The following TCF15 variants were observed in gnomAD, a reference collection of about 807,000 sequenced individuals.
The protein encoded by TCF15 is TCF-15.
TCF15 carries 7 observed loss-of-function variants against 11.1 expected under a neutral mutation model. That is an observed-to-expected ratio of 0.63 (90% confidence interval 0.36 to 1.19). The LOEUF is 1.19. Ranked by LOEUF, TCF15 falls within the 50% of genes most tolerant of loss-of-function variation. TCF15 has a pLI of 0.02. For synonymous variants in TCF15, 144 were observed against 138.9 expected, an observed-to-expected ratio of 1.04 and a Z score of -0.26; for missense variants, 288 against 289.4, an observed-to-expected ratio of 1.00 and a Z score of 0.03.
intron 1 of TCF15, among the ~76,000 whole-genome samples, chr20:607,928 G>A (rs1325122353): frequency 2.0e-5 from 3 of 152,198 alleles, no homozygotes; most frequent in East Asian, 1.9e-4. Flanking sequence ...GCACAGATCA[G>A]TGCTCATGAA....
intron 1 of TCF15, among the ~76,000 whole-genome samples, chr20:607,717 G>A (rs925776325): frequency 6.6e-6 from 1 of 152,218 alleles, no homozygotes; most frequent in Non-Finnish European, 1.5e-5. Flanking sequence ...TGCTATGGGG[G>A]TGGACACATG....
chr20:604,659 G>A lies in TCF15; in HGVS notation c.532C>T (p.Arg178Cys), dbSNP rs952836687. The change falls in exon 2 of 2, where the codon CGT (arginine) becomes TGT (cysteine). Residue 178 changes from arginine (R) to cysteine (C), a missense_variant. Physicochemically the swap from Arg to Cys is radical, Grantham distance 180. Coordinates refer to ENST00000246080, the MANE Select transcript of TCF15 (RefSeq NM_004609.4). This position sits in a 1 kb window ranked among gnomAD's most constrained non-coding sequence, Gnocchi z 4.2. ...CLSNQRKGGG[R>C]RDLGGSCLKV... The stretch of plus-strand genomic sequence containing the variant: ...AAGCAGCTGCCCCCCAGGTCACGAC[G>A]GCCACCCTGCAGAGGGGGAGAAAGA... 5 of 1,551,940 alleles carry A rather than the reference G, an allele frequency of 3.2e-6. No homozygotes were observed. The highest frequency in any genetic ancestry group is 1.2e-5 in the South Asian group (1 of 84,020).
At position 604,635 on chromosome 20, in the gene TCF15, AGCAGCT is replaced by A; in HGVS notation, c.550_555del (p.Ser184_Cys185del). 1 of 1,554,396 alleles carries A rather than the reference AGCAGCT, an allele frequency of 6.4e-7. No homozygotes were observed. The highest frequency in any genetic ancestry group is 8.7e-7 in the Non-Finnish European group (1 of 1,148,398). On this transcript the variant is annotated inframe_deletion, in exon 2 of 2. Transcript: ENST00000246080. This position sits in a 1 kb window ranked among gnomAD's most constrained non-coding sequence, Gnocchi z 4.2. ...AGGGGGGCCACCCCCCTCACCTTCAAGCAGCTGCCCCCCAGGTCACGACGGCCACCC... is the reference window on the plus strand; with the variant it reads ...AGGGGGGCCACCCCCCTCACCTTCAAGCCCCCCAGGTCACGACGGCCACCC...
rs2020014674 is a variant in TCF15, at chr20:610,270, C to T, written c.-33G>A. On this transcript the variant is annotated 5_prime_UTR_variant, in exon 1 of 2. Coordinates refer to ENST00000246080, the MANE Select transcript of TCF15 (RefSeq NM_004609.4). ...GGCCGCGTCCCTCCGTGCGCCGCGT[C>T]CCAGCGTCGGCCGCGCCCCGCCGTG... 1.1e-5 allele frequency: 11 copies of T among 989,028 alleles called. No individual in the cohort carries two copies. Among genetic ancestry groups the T allele is most frequent in the Non-Finnish European group, 1.3e-5 (11 of 833,114 alleles). 61.3% of individuals were successfully genotyped at this position (989,028 alleles called of 1,614,324 possible). A position where few individuals can be genotyped will look rare whatever the true frequency, so the allele number is the denominator to read the frequency against.
chr20:605,950 T>C (rs2019970851), intron 1 of TCF15, among the ~76,000 whole-genome samples: 1 of 152,202 alleles, frequency 6.6e-6, no homozygotes, highest in African/African-American at 2.4e-5. Context: ...GAAATCCCAC[T>C]GTAAATGCTC....
intron 1 of TCF15, among the ~76,000 whole-genome samples, chr20:607,658 T>C (rs2019987715): frequency 6.6e-6 from 1 of 152,204 alleles, no homozygotes; most frequent in African/African-American, 2.4e-5. Flanking sequence ...GAGGCCCCTG[T>C]GAGCTGTGGG....
chr20:608,863 G>GGAT (rs1045212985), intron 1 of TCF15, among the ~76,000 whole-genome samples: 1 of 152,200 alleles, frequency 6.6e-6, no homozygotes, highest in Non-Finnish European at 1.5e-5. Flanking sequence ...CACGGTCGGG[G>GGAT]GATGAAGCAG....
At position 609,092 on chromosome 20, in the gene TCF15, C is replaced by T. The variant is rs1016223124; in HGVS notation, c.525+621G>A. Among the ~76,000 whole-genome samples the T allele has an allele frequency of 6.6e-6, 1 of 152,124 alleles. No individual in the cohort carries two copies. The highest frequency in any genetic ancestry group is 1.5e-5 in the Non-Finnish European group (1 of 68,024). On this transcript the variant is annotated intron_variant, in intron 1 of 1. Coordinates refer to ENST00000246080, the MANE Select transcript of TCF15 (RefSeq NM_004609.4). The surrounding 1 kb of genome is among the most constrained non-coding windows in gnomAD (Gnocchi z 4.7). ...GGGCCCCTTCTTCACTCCTACTGCT[C>T]ATCCGCTGGGTACCTCAGGCTCTCG...
rs1002138111 is a variant in TCF15 at position 610,135 on chromosome 20, C to A, written c.103G>T (p.Asp35Tyr). Reference sequence around the variant, plus strand: ...CCCTCGCAGCAGCCGAACGACTGGTCCGACGCGTCGCTCTCGCTGCGGTTC... The same window carrying A: ...CCCTCGCAGCAGCCGAACGACTGGTACGACGCGTCGCTCTCGCTGCGGTTC... ...EENRSESDASDQSFGCCEGPE... is the reference protein window; with the variant it reads ...EENRSESDASYQSFGCCEGPE... Residue 35 changes from aspartate (D) to tyrosine (Y), a missense_variant, in exon 1 of 2, where the codon GAC becomes TAC. Coordinates refer to ENST00000246080, the MANE Select transcript of TCF15 (RefSeq NM_004609.4). The A allele has an allele frequency of 1.9e-6, 2 of 1,030,964 alleles. No homozygotes were observed. The highest frequency in any genetic ancestry group is 3.1e-5 in the South Asian group (1 of 32,030). 63.9% of individuals were successfully genotyped at this position (1,030,964 alleles called of 1,614,324 possible).
At chr20:605,857 G>A (rs1056729381) in intron 1 of TCF15, among the ~76,000 whole-genome samples, 1 of 152,222 alleles carries the variant, frequency 6.6e-6, no homozygotes, top group Admixed American at 6.5e-5. Context: ...TGGCCCAGAG[G>A]CACCCAGCCA....
At chr20:606,965 A>T (rs1600449838) in intron 1 of TCF15, among the ~76,000 whole-genome samples, 1 of 152,224 alleles carries the variant, frequency 6.6e-6, no homozygotes. Context: ...GCCAAGGGCC[A>T]ACTACTGGAC....
chr20:605,994 A>G lies in TCF15; in HGVS notation c.526-1329T>C, dbSNP rs997832031. 5.3e-4 allele frequency among the ~76,000 whole-genome samples: 80 copies of G among 152,368 alleles called. 1 individual carries two copies. Among genetic ancestry groups the G allele is most frequent in the African/African-American group, 1.8e-3 (75 of 41,586 alleles). On this transcript the variant is annotated intron_variant, in intron 1 of 1. Coordinates refer to ENST00000246080, the MANE Select transcript of TCF15 (RefSeq NM_004609.4). Reference sequence around the variant, plus strand: ...GAGCCTGGCTAGATGATGGAGGAACAGGCAGCTTTCTCAGCCCACTTAGAG... The same window carrying G: ...GAGCCTGGCTAGATGATGGAGGAACGGGCAGCTTTCTCAGCCCACTTAGAG...
In TCF15 at chr20:609,821, C is replaced by T. The variant is rs776158533; in HGVS notation, c.417G>A (p.Pro139=). Residue 139 remains proline (P), a synonymous_variant, in exon 1 of 2, where the codon CCG becomes CCA. Transcript: ENST00000246080. The surrounding 1 kb of genome is among the most constrained non-coding windows in gnomAD (Gnocchi z 4.7). The part of the protein sequence containing the change: ...LLGDSADDGQ[P]CFRAAGSAKG... Reference sequence around the variant, plus strand: ...TGGCACTGCCCGCGGCACGGAAGCACGGCTGCCCGTCGTCGGCCGAGTCGC... The same window carrying T: ...TGGCACTGCCCGCGGCACGGAAGCATGGCTGCCCGTCGTCGGCCGAGTCGC... 1 of 1,512,038 alleles carries T rather than the reference C, an allele frequency of 6.6e-7. No homozygotes were observed. Among genetic ancestry groups the T allele is most frequent in the Non-Finnish European group, 8.8e-7 (1 of 1,141,440 alleles). 93.7% of individuals were successfully genotyped at this position (1,512,038 alleles called of 1,614,324 possible).
chr20:604,675 G>C lies in TCF15; in HGVS notation c.526-10C>G. The C allele has an allele frequency of 6.5e-7, 1 of 1,548,996 alleles. No homozygotes were observed. Among genetic ancestry groups the C allele is most frequent in the Non-Finnish European group, 8.7e-7 (1 of 1,145,888 alleles). On this transcript the variant is annotated splice_polypyrimidine_tract_variant and intron_variant, in intron 1 of 1. Coordinates refer to ENST00000246080, the MANE Select transcript of TCF15 (RefSeq NM_004609.4). This position sits in a 1 kb window ranked among gnomAD's most constrained non-coding sequence, Gnocchi z 4.2. ...GGTCACGACGGCCACCCTGCAGAGG[G>C]GGAGAAAGAGTATAAAGAGGTTCGA...
At chr20:606,539 G>C (rs995233841) in intron 1 of TCF15, among the ~76,000 whole-genome samples, 5 of 152,176 alleles carry the variant, frequency 3.3e-5, no homozygotes, top group African/African-American at 1.2e-4. Flanking sequence ...TTGACGGCCG[G>C]GTATGGTGGC....
chr20:608,040 A>G (rs1367319064), intron 1 of TCF15, among the ~76,000 whole-genome samples: 1 of 152,136 alleles, frequency 6.6e-6, no homozygotes, highest in Non-Finnish European at 1.5e-5. Flanking sequence ...CTCTTGCTGT[A>G]TGCCCCAATC....
In TCF15 at chr20:610,207, C is replaced by G; in HGVS notation, c.31G>C (p.Ala11Pro). The G allele has an allele frequency of 9.7e-7, 1 of 1,030,184 alleles. No individual in the cohort carries two copies. Among genetic ancestry groups the G allele is most frequent in the Middle Eastern group, 4.7e-4 (1 of 2,120 alleles). 63.8% of individuals were successfully genotyped at this position (1,030,184 alleles called of 1,614,324 possible). The change falls in exon 1 of 2, where the codon GCG (alanine) becomes CCG (proline). Residue 11 changes from alanine (A) to proline (P), a missense_variant. Coordinates refer to ENST00000246080, the MANE Select transcript of TCF15 (RefSeq NM_004609.4). MAFALLRPVGAHVLYPDVRLL... is the reference protein window; with the variant it reads MAFALLRPVGPHVLYPDVRLL... ...CGCACGTCCGGGTACAGCACGTGCGCGCCGACGGGCCGCAGCAGCGCGAAC... is the reference window on the plus strand; with the variant it reads ...CGCACGTCCGGGTACAGCACGTGCGGGCCGACGGGCCGCAGCAGCGCGAAC...
intron 1 of TCF15, among the ~76,000 whole-genome samples, chr20:605,937 T>C (rs903643974): frequency 4.6e-5 from 7 of 152,338 alleles, no homozygotes; most frequent in African/African-American, 1.2e-4. Flanking sequence ...CATGATAGTG[T>C]CTGAAATCCC....
intron 1 of TCF15, among the ~76,000 whole-genome samples, chr20:605,122 C>T (rs923746853): frequency 1.3e-5 from 2 of 152,132 alleles, no homozygotes; most frequent in African/African-American, 2.4e-5. Flanking sequence ...TCCCGAGTAG[C>T]GGGGACTACA....
Sources: allele counts gnomAD v4.1 joint callset (sites outside exome capture counted in the v4.1 genomes callset), GRCh38; gene constraint gnomAD v4.1.1; non-coding constraint Gnocchi (gnomAD v3.1); transcripts MANE v1.5; gene names NCBI Gene and HGNC (gene_info 2026-07-23, HGNC 2026-07-21).